COL4A5: variants seen among roughly 807,000 people sequenced by gnomAD.
COL4A5 encodes collagen type IV alpha 5 chain, also known as collagen alpha-5(IV) chain.
Under a neutral mutation model 130.2 loss-of-function variants are expected in COL4A5, and 26 were observed. The observed-to-expected ratio is 0.20, with a 90% CI of 0.15 to 0.28. The LOEUF (loss-of-function observed/expected upper bound fraction) is 0.28. COL4A5 is among the 10% of genes least tolerant of loss of function. COL4A5 has a pLI of 1.00. For synonymous variants in COL4A5, 496 were observed against 439.6 expected (o/e 1.13, Z -1.60); for missense variants, 1,131 against 1,344.3 (o/e 0.84, Z 2.48).
intron 2 of COL4A5, among the ~76,000 whole-genome samples, chrX:108,548,059 G>A (rs1257556827): frequency 3.6e-5 from 4 of 111,476 alleles, no homozygotes; most frequent in Non-Finnish European, 5.7e-5. Context: ...GCACTTCCCG[G>A]GTGAGGCGAT....
intron 30 of COL4A5, among the ~76,000 whole-genome samples, chrX:108,616,359 C>T (rs920940167): frequency 9.1e-6 from 1 of 110,319 alleles, no homozygotes; most frequent in Non-Finnish European, 1.9e-5. Context: ...CCTCAGCCTC[C>T]GGAGTAGCCA....
chrX:108,500,255 G>A (rs1442339084), intron 1 of COL4A5, among the ~76,000 whole-genome samples: 1 of 112,214 alleles, frequency 8.9e-6, no homozygotes, highest in Non-Finnish European at 1.9e-5. Context: ...AACCACCCAA[G>A]AGCGGAACAT....
intron 15 of COL4A5, 74 bp from the exon 16 acceptor site, chrX:108,580,909 T>C: frequency 9.4e-7 from 1 of 1,059,922 alleles, no homozygotes; most frequent in South Asian, 1.9e-5. Context: ...ATAAAGCTTG[T>C]TATATTCTTT....
At chrX:108,633,327 T>G (rs2067300999) in intron 36 of COL4A5, among the ~76,000 whole-genome samples, 2 of 111,416 alleles carry the variant, frequency 1.8e-5, no homozygotes. Context: ...TATATATTTC[T>G]TACAGGATTT....
chrX:108,575,662 C>G (rs1603281416), intron 9 of COL4A5, among the ~76,000 whole-genome samples: 1 of 111,457 alleles, frequency 9.0e-6, no homozygotes. Context: ...CATGGTGAAA[C>G]CCCGTCTCTA....
intron 3 of COL4A5, among the ~76,000 whole-genome samples, chrX:108,563,206 G>T (rs1350979680): frequency 9.0e-6 from 1 of 111,223 alleles, no homozygotes; most frequent in Non-Finnish European, 1.9e-5. Flanking sequence ...GCAGAATTAG[G>T]TTTTTTAATT....
chrX:108,606,271 G>T (rs928292301), intron 28 of COL4A5, among the ~76,000 whole-genome samples: 2 of 111,645 alleles, frequency 1.8e-5, no homozygotes, highest in African/African-American at 6.5e-5. Context: ...GCTTCATCTA[G>T]TCCTTTTTAC....
At position 108,655,438 on chromosome X, in the gene COL4A5, A is replaced by G. The variant is rs2067821730; in HGVS notation, c.3354A>G (p.Pro1118=). The change falls in exon 37 of 53, where the codon CCA becomes CCG. Residue 1118 remains proline (P), a synonymous_variant. Coordinates refer to ENST00000328300, the MANE Select transcript of COL4A5 (RefSeq NM_033380.3). ...LPGTPGAKGQ[P]GLPGFPGTPG... The stretch of plus-strand genomic sequence containing the variant: ...GAACCCCTGGAGCAAAAGGACAACC[A>G]GGCCTTCCTGGATTCCCAGGTAAAA... 1 of 1,211,108 alleles carries G rather than the reference A, an allele frequency of 8.3e-7. No homozygotes were observed. The highest frequency in any genetic ancestry group is 1.1e-6 in the Non-Finnish European group (1 of 895,168).
chrX:108,534,197 CAT>C (rs1349431864), intron 1 of COL4A5, among the ~76,000 whole-genome samples: 1 of 110,674 alleles, frequency 9.0e-6, no homozygotes, highest in Non-Finnish European at 1.9e-5. Flanking sequence ...AGAAACTAAA[CAT>C]AGCATCACCA....
intron 1 of COL4A5, among the ~76,000 whole-genome samples, chrX:108,537,865 G>A (rs1304234633): frequency 1.8e-5 from 2 of 112,050 alleles, no homozygotes; most frequent in Non-Finnish European, 3.8e-5. Flanking sequence ...TACGACTGTT[G>A]ACAGTTACTG....
intron 36 of COL4A5, among the ~76,000 whole-genome samples, chrX:108,651,283 A>G (rs2067722263): frequency 8.9e-6 from 1 of 112,000 alleles, no homozygotes; most frequent in Non-Finnish European, 1.9e-5. Context: ...CTATGAAGAT[A>G]CTGAAAACAT....
In COL4A5 at chrX:108,440,363, C is replaced by T; in HGVS notation, c.81+157C>T. On this transcript the variant is annotated intron_variant, in intron 1 of 52. Transcript: ENST00000328300. ...TAGGAAGAAACGTTATTTGCAACACCGGTAACTCAAGCCTTCTGAAGTCCA... is the reference window on the plus strand; with the variant it reads ...TAGGAAGAAACGTTATTTGCAACACTGGTAACTCAAGCCTTCTGAAGTCCA... 1.1e-5 allele frequency: 5 copies of T among 466,322 alleles called. No homozygotes were observed. The Admixed American group carries it at 1.6e-4, about 15-fold the overall frequency. The allele number at this position is 466,322 out of a possible 1,213,427, so 38.4% of individuals were successfully genotyped here. A position where few individuals can be genotyped will look rare whatever the true frequency, so the allele number is the denominator to read the frequency against.
intron 40 of COL4A5, 105 bp downstream of exon 40, chrX:108,667,288 A>G (rs2068102163): frequency 1.3e-6 from 1 of 760,486 alleles, no homozygotes; most frequent in Non-Finnish European, 2.0e-6. Context: ...AAATGCATGT[A>G]AGAACCCAGA....
At chrX:108,471,678 A>T (rs1188253231) in intron 1 of COL4A5, among the ~76,000 whole-genome samples, 1 of 111,712 alleles carries the variant, frequency 9.0e-6, no homozygotes, top group Non-Finnish European at 1.9e-5. Flanking sequence ...ACTATGTCGA[A>T]AAGGAGTGGT....
intron 36 of COL4A5, among the ~76,000 whole-genome samples, chrX:108,648,961 G>T (rs1273156023): frequency 9.0e-6 from 1 of 111,067 alleles, no homozygotes; most frequent in Admixed American, 9.6e-5. Flanking sequence ...GTCACTGTTT[G>T]CTGACAATAT....
chrX:108,451,326 G>A (rs1358652299), intron 1 of COL4A5, among the ~76,000 whole-genome samples: 1 of 110,658 alleles, frequency 9.0e-6, no homozygotes, highest in Non-Finnish European at 1.9e-5. Context: ...TGTCTTTATA[G>A]CAGCATGATT....
At chrX:108,681,057 TCC>T in intron 46 of COL4A5, 101 bp downstream of exon 46, 1 of 721,415 alleles carries the variant, frequency 1.4e-6, no homozygotes, top group Admixed American at 2.5e-5. Context: ...GGAGGCTAAG[TCC>T]CCAACAACTG....
chrX:108,484,187 C>T (rs772408036), intron 1 of COL4A5, among the ~76,000 whole-genome samples: 1 of 112,029 alleles, frequency 8.9e-6, no homozygotes, highest in East Asian at 2.8e-4. Flanking sequence ...ATTTCAATCT[C>T]TATGTTAAAT....
intron 8 of COL4A5, among the ~76,000 whole-genome samples, chrX:108,572,697 C>T (rs1037367523): frequency 4.5e-5 from 5 of 111,565 alleles, no homozygotes; most frequent in Non-Finnish European, 9.4e-5. Flanking sequence ...TTTTTCACCA[C>T]TACTCCGCCC....
Sources: allele counts gnomAD v4.1 joint callset (sites outside exome capture counted in the v4.1 genomes callset), GRCh38; gene constraint gnomAD v4.1.1; transcripts MANE v1.5; gene names NCBI Gene and HGNC (gene_info 2026-07-23, HGNC 2026-07-21).